SMIM14: variants seen among roughly 807,000 people sequenced by gnomAD.
The protein encoded by SMIM14 is chromosome 4 open reading frame 34.
Under a neutral mutation model 12.6 loss-of-function variants are expected in SMIM14, and 5 were observed. The ratio of observed to expected loss-of-function variants is 0.40; its 90% CI spans 0.21 to 0.83. The LOEUF (loss-of-function observed/expected upper bound fraction) is 0.83, where lower values mean the gene tolerates loss of function less well. SMIM14 is among the 40% of genes least tolerant of loss of function. The probability of loss-of-function intolerance (pLI) is 0.37; values close to 1 mark genes in which losing one functional copy is unlikely to be tolerated. For synonymous variants in SMIM14, 30 were observed against 40.1 expected, an observed-to-expected ratio of 0.75 and a Z score of 0.95; for missense variants, 86 against 119.1, an observed-to-expected ratio of 0.72 and a Z score of 1.29.
chr4:39,615,304 A>C (rs1247841897), intron 1 of SMIM14, among the ~76,000 whole-genome samples: 1 of 152,206 alleles, frequency 6.6e-6, no homozygotes, highest in African/African-American at 2.4e-5. Context: ...TACCTTTGCA[A>C]CTTTTCTGTA....
intron 2 of SMIM14, among the ~76,000 whole-genome samples, chr4:39,577,905 T>G (rs1056712783): frequency 2.0e-5 from 3 of 152,202 alleles, no homozygotes; most frequent in African/African-American, 7.2e-5. Flanking sequence ...CTTCTGTGGC[T>G]TGACGGCTAC....
At chr4:39,618,753 G>A (rs78575703) in intron 1 of SMIM14, among the ~76,000 whole-genome samples, 7,296 of 151,130 alleles carry the variant, frequency 0.048, 198 homozygotes, top group Middle Eastern at 0.066. Flanking sequence ...TTCCCAAGCA[G>A]CAAGTACCAT....
At chr4:39,612,726 C>CA (rs1715084842) in intron 1 of SMIM14, among the ~76,000 whole-genome samples, 1 of 152,180 alleles carries the variant, frequency 6.6e-6, no homozygotes, top group African/African-American at 2.4e-5. Context: ...TCAGCTTCCC[C>CA]AGTAGCTGGG....
intron 1 of SMIM14, among the ~76,000 whole-genome samples, chr4:39,619,874 A>ATTTT (rs1253051297): frequency 3.0e-4 from 25 of 82,970 alleles, no homozygotes; most frequent in African/African-American, 1.3e-3. Context: ...ATATATATAT[A>ATTTT]TATTTTTTTT....
chr4:39,597,085 C>CTTTT (rs35373264), intron 2 of SMIM14, among the ~76,000 whole-genome samples: 2 of 133,766 alleles, frequency 1.5e-5, no homozygotes, highest in Non-Finnish European at 3.2e-5. Context: ...CCAGGTTTCC[C>CTTTT]TTTTTTTTTT....
chr4:39,598,296 C>G (rs1714457679), intron 2 of SMIM14, among the ~76,000 whole-genome samples: 1 of 152,124 alleles, frequency 6.6e-6, no homozygotes, highest in African/African-American at 2.4e-5. Flanking sequence ...TTTAGTTATT[C>G]GTGTACACAA....
At chr4:39,567,009 G>A (rs1290024182) in intron 3 of SMIM14, among the ~76,000 whole-genome samples, 3 of 151,440 alleles carry the variant, frequency 2.0e-5, no homozygotes, top group African/African-American at 4.9e-5. Flanking sequence ...GCTGGTACAC[G>A]CTTGTAATCC....
chr4:39,604,481 G>A (rs1293309899), intron 2 of SMIM14, among the ~76,000 whole-genome samples: 2 of 151,888 alleles, frequency 1.3e-5, no homozygotes, highest in East Asian at 3.9e-4. Flanking sequence ...AGGCTGTAGT[G>A]AGCCGAGATA....
At position 39,605,105 on chromosome 4, in the gene SMIM14, G is replaced by C; in HGVS notation, c.41C>G (p.Ser14Cys). The change falls in exon 2 of 5, where the codon TCT becomes TGT. Residue 14 changes from serine (S) to cysteine (C), a missense_variant. Ser to Cys is a moderately radical substitution (Grantham distance 112). Coordinates refer to ENST00000295958, the MANE Select transcript of SMIM14 (RefSeq NM_174921.3). Reference sequence around the variant, plus strand: ...CAGTCTTCTCATTGCATGTTCATGAGAGCAAACACATTCACAGGGATCAAA... The same window carrying C: ...CAGTCTTCTCATTGCATGTTCATGACAGCAAACACATTCACAGGGATCAAA... ...GGFDPCECVC[S>C]HEHAMRRLIN... 4 of 1,609,400 alleles carry C rather than the reference G, an allele frequency of 2.5e-6. No homozygotes were observed. Among genetic ancestry groups the C allele is most frequent in the Non-Finnish European group, 2.5e-6 (3 of 1,178,696 alleles).
At chr4:39,576,682 ATATTTTTTTTTTTTTTTTTTTT>A (rs1713208091) in intron 2 of SMIM14, among the ~76,000 whole-genome samples, 12 of 31,020 alleles carry the variant, frequency 3.9e-4, no homozygotes, top group African/African-American at 1.7e-3. Flanking sequence ...ATATATATAT[ATATTTTTTTTTTTTTTTTTTTT>A]TTTTTTTTTT....
intron 2 of SMIM14, among the ~76,000 whole-genome samples, chr4:39,597,147 C>A (rs1291088248): frequency 6.8e-6 from 1 of 147,594 alleles, no homozygotes; most frequent in African/African-American, 2.5e-5. Flanking sequence ...CCAGTGCATC[C>A]ATATGACTCC....
chr4:39,633,067 G>C (rs1715970903), intron 1 of SMIM14, among the ~76,000 whole-genome samples: 1 of 151,040 alleles, frequency 6.6e-6, no homozygotes, highest in South Asian at 2.1e-4. Flanking sequence ...GCCCAGACAG[G>C]TGGATCACCT....
At chr4:39,613,647 A>G (rs1715112729) in intron 1 of SMIM14, among the ~76,000 whole-genome samples, 1 of 152,214 alleles carries the variant, frequency 6.6e-6, no homozygotes, top group South Asian at 2.1e-4. Flanking sequence ...GTTTTACTGA[A>G]TCAGAATTTT....
At chr4:39,621,546 T>A in intron 1 of SMIM14, among the ~76,000 whole-genome samples, 1 of 152,108 alleles carries the variant, frequency 6.6e-6, no homozygotes, top group East Asian at 1.9e-4. Flanking sequence ...AGGAAAATAA[T>A]CTGAAATACA....
chr4:39,597,039 G>C (rs1427973563), intron 2 of SMIM14, among the ~76,000 whole-genome samples: 4 of 150,350 alleles, frequency 2.7e-5, no homozygotes, highest in African/African-American at 9.8e-5. Context: ...GCCTCCCAAA[G>C]TGCTGGGATT....
chr4:39,634,951 A>G (rs1437596066), intron 1 of SMIM14, among the ~76,000 whole-genome samples: 1 of 152,264 alleles, frequency 6.6e-6, no homozygotes, highest in Non-Finnish European at 1.5e-5. Context: ...AAAAGGACAG[A>G]CAAGGTTCCA....
chr4:39,565,472 G>T (rs999061946), intron 3 of SMIM14, among the ~76,000 whole-genome samples: 31 of 152,052 alleles, frequency 2.0e-4, no homozygotes, highest in African/African-American at 7.5e-4. Flanking sequence ...CATAGGCACA[G>T]GCCACCACGC....
intron 1 of SMIM14, among the ~76,000 whole-genome samples, chr4:39,622,133 G>A (rs1212216306): frequency 1.3e-5 from 2 of 152,018 alleles, no homozygotes; most frequent in African/African-American, 4.8e-5. Context: ...GCCCAGGCTG[G>A]AGTGCAGTGG....
rs142487478 is a variant in SMIM14, at chr4:39,623,441, A to T, written c.-36+15298T>A. Reference sequence around the variant, plus strand: ...GAGAAGGCAGGGATAACATTGGCTAATTCAAGGTCAGAATATGAAAATTCT... The same window carrying T: ...GAGAAGGCAGGGATAACATTGGCTATTTCAAGGTCAGAATATGAAAATTCT... On this transcript the variant is annotated intron_variant, in intron 1 of 4. Coordinates refer to ENST00000295958, the MANE Select transcript of SMIM14 (RefSeq NM_174921.3). Among the ~76,000 whole-genome samples the T allele has an allele frequency of 3.6e-3, 550 of 152,372 alleles. 9 individuals are homozygous for T. Among genetic ancestry groups the T allele is most frequent in the East Asian group, 0.032 (167 of 5,194 alleles).
Sources: gnomAD v4.1 joint callset for allele counts (sites outside exome capture counted in the v4.1 genomes callset) on GRCh38, gnomAD v4.1.1 for gene constraint, MANE v1.5 for transcripts, NCBI Gene and HGNC (gene_info 2026-07-23, HGNC 2026-07-21) for gene names.